SNX18: variants seen among roughly 807,000 people sequenced by gnomAD.
SNX18 encodes sorting nexin 18.
A neutral mutation model predicts 48.7 loss-of-function variants in SNX18; 35 were observed. The ratio of observed to expected loss-of-function variants is 0.72; its 90% confidence interval spans 0.55 to 0.95. SNX18 has a LOEUF of 0.95. Among genes scored for constraint, SNX18 ranks in the 40% least tolerant of loss-of-function variants. The pLI, the probability that SNX18 is intolerant of heterozygous loss-of-function variation, is 0.00. For missense variants in SNX18, 824 were observed against 871.0 expected, an observed-to-expected ratio of 0.95 and a Z score of 0.68; for synonymous variants, 492 against 384.7, an observed-to-expected ratio of 1.28 and a Z score of -3.26.
the SNX18 span, among the ~76,000 whole-genome samples, chr5:54,606,539 G>A: frequency 6.6e-6 from 1 of 152,160 alleles, no homozygotes; most frequent in African/African-American, 2.4e-5. Context: ...TCAATTCAGA[G>A]GCATTCACTC....
At chr5:54,634,909 A>C in the SNX18 span, among the ~76,000 whole-genome samples, 3 of 136,870 alleles carry the variant, frequency 2.2e-5, no homozygotes, top group African/African-American at 7.5e-5. Flanking sequence ...CTGGAAATTA[A>C]CTAACTGAAT....
the SNX18 span, among the ~76,000 whole-genome samples, chr5:54,619,368 G>A: frequency 2.0e-5 from 3 of 152,114 alleles, no homozygotes; most frequent in East Asian, 1.9e-4. Context: ...AAAATTAGCC[G>A]AGCATGATGA....
rs1761935448 is a variant in SNX18 at position 54,518,670 on chromosome 5, G to A, written c.718G>A (p.Gly240Arg). The change falls in exon 1 of 2, where the codon GGG becomes AGG. Residue 240 changes from glycine (G) to arginine (R), a missense_variant. Coordinates refer to ENST00000381410, the MANE Select transcript of SNX18 (RefSeq NM_001102575.2). ...NRFSTFVKSGGEAFVLGEASG... is the reference protein window; with the variant it reads ...NRFSTFVKSGREAFVLGEASG... ...CTTCTCCACCTTCGTCAAGTCCGGC[G>A]GGGAGGCCTTCGTGCTGGGGGAGGC... 1 of 1,562,730 alleles carries A rather than the reference G, an allele frequency of 6.4e-7. No individual in the cohort carries two copies. The highest frequency in any genetic ancestry group is 8.7e-7 in the Non-Finnish European group (1 of 1,155,372).
At chr5:54,551,564 G>A (rs529215033), downstream of SNX18, among the ~76,000 whole-genome samples, 6 of 152,232 alleles carry the variant, frequency 3.9e-5, no homozygotes, top group Non-Finnish European at 8.8e-5. Flanking sequence ...CTGCCGTTAC[G>A]TTCATTCTTT....
At chr5:54,582,103 C>A in the SNX18 span, among the ~76,000 whole-genome samples, 2 of 152,188 alleles carry the variant, frequency 1.3e-5, no homozygotes, top group African/African-American at 4.8e-5. Context: ...TCCCTAGAAA[C>A]GAGAAGTGGA....
the SNX18 span, among the ~76,000 whole-genome samples, chr5:54,595,460 C>A: frequency 5.9e-5 from 9 of 152,162 alleles, no homozygotes; most frequent in African/African-American, 4.8e-5. Context: ...TGGTCTCCAA[C>A]TCCTGACCTC....
chr5:54,586,538 G>A, the SNX18 span, among the ~76,000 whole-genome samples: 1 of 152,172 alleles, frequency 6.6e-6, no homozygotes, highest in African/African-American at 2.4e-5. Context: ...CATGACAGAG[G>A]GGCAGAAGGA....
At chr5:54,629,536 T>C in the SNX18 span, among the ~76,000 whole-genome samples, 1 of 152,204 alleles carries the variant, frequency 6.6e-6, no homozygotes, top group African/African-American at 2.4e-5. Flanking sequence ...GATAGTTGGA[T>C]TTCTGACCCC....
At chr5:54,614,351 C>A in the SNX18 span, among the ~76,000 whole-genome samples, 2 of 152,154 alleles carry the variant, frequency 1.3e-5, no homozygotes, top group African/African-American at 4.8e-5. Flanking sequence ...TTTTATTAGG[C>A]TCAGAAGCCT....
the SNX18 span, among the ~76,000 whole-genome samples, chr5:54,603,854 C>A: frequency 5.9e-5 from 9 of 152,166 alleles, no homozygotes; most frequent in African/African-American, 2.2e-4. Flanking sequence ...TATTGAGTAC[C>A]TTCTATGTGC....
the SNX18 span, among the ~76,000 whole-genome samples, chr5:54,577,736 CAG>C: frequency 6.6e-6 from 1 of 152,178 alleles, no homozygotes; most frequent in Non-Finnish European, 1.5e-5. Flanking sequence ...CATGTGCAAA[CAG>C]AGAGTGGCTG....
chr5:54,636,151 A>G, the SNX18 span, among the ~76,000 whole-genome samples: 1 of 152,204 alleles, frequency 6.6e-6, no homozygotes, highest in African/African-American at 2.4e-5. Context: ...GCTAGACTCT[A>G]GCCTTCCTAA....
the SNX18 span, among the ~76,000 whole-genome samples, chr5:54,619,875 T>C: frequency 6.6e-6 from 1 of 152,180 alleles, no homozygotes; most frequent in Non-Finnish European, 1.5e-5. Flanking sequence ...GCTTGGTAAA[T>C]CTACATTTTA....
the SNX18 span, among the ~76,000 whole-genome samples, chr5:54,643,365 G>A: frequency 6.6e-6 from 1 of 152,166 alleles, no homozygotes; most frequent in East Asian, 1.9e-4. Flanking sequence ...TATAGGACTT[G>A]AAAAATAGTA....
chr5:54,598,326 C>G, the SNX18 span, among the ~76,000 whole-genome samples: 3 of 152,086 alleles, frequency 2.0e-5, no homozygotes, highest in Admixed American at 1.3e-4. Context: ...GAGCTGATAC[C>G]ATTTCTTCTG....
At chr5:54,643,523 G>A in the SNX18 span, 1 of 152,162 alleles carries the variant, frequency 6.6e-6, no homozygotes, top group Non-Finnish European at 1.5e-5. Context: ...CTTTTGGTTA[G>A]TTTATATAAA....
the SNX18 span, among the ~76,000 whole-genome samples, chr5:54,641,800 T>TATGCGTGTGCGGGTGGGAGGTGC: frequency 6.6e-6 from 1 of 152,218 alleles, no homozygotes; most frequent in Non-Finnish European, 1.5e-5. Flanking sequence ...TGTGTGTATG[T>TATGCGTGTGCGGGTGGGAGGTGC]ATGCGTGTGC....
At chr5:54,623,591 C>T in the SNX18 span, among the ~76,000 whole-genome samples, 37 of 152,016 alleles carry the variant, frequency 2.4e-4, no homozygotes, top group Non-Finnish European at 4.6e-4. Flanking sequence ...AAGAACTTAC[C>T]AGAGGAGTGA....
chr5:54,616,287 T>C, the SNX18 span, among the ~76,000 whole-genome samples: 2 of 152,226 alleles, frequency 1.3e-5, no homozygotes, highest in Non-Finnish European at 2.9e-5. Context: ...ACATGACCTA[T>C]CTGGCTCGGG....
Sources: allele counts gnomAD v4.1 joint callset (sites outside exome capture counted in the v4.1 genomes callset), GRCh38; gene constraint gnomAD v4.1.1; transcripts MANE v1.5; gene names NCBI Gene and HGNC (gene_info 2026-07-23, HGNC 2026-07-21).